Variants in NOXO1 observed in about 807,000 individuals in gnomAD.
NOXO1 encodes NADPH oxidase organizer 1.
Under a neutral mutation model 33.3 loss-of-function variants are expected in NOXO1, and 38 were observed. That is an observed-to-expected ratio of 1.14 (90% CI 0.88 to 1.50). The LOEUF (loss-of-function observed/expected upper bound fraction) is 1.50. NOXO1 is among the 40% of genes most tolerant of loss of function. NOXO1 has a pLI of 0.00. For synonymous variants in NOXO1, 302 were observed against 237.3 expected (o/e 1.27, Z -2.51); for missense variants, 675 against 527.1 (o/e 1.28, Z -2.75).
chr16:1,980,216 C>T (rs2083474191), intron 4 of NOXO1, 35 bp from the exon 5 acceptor site: 1 of 1,567,882 alleles, frequency 6.4e-7, no homozygotes, highest in Non-Finnish European at 8.6e-7. Flanking sequence ...GAGAGGTAGG[C>T]GGATGGGGAG....
chr16:1,978,977 C>T lies in NOXO1; in HGVS notation c.*75G>A, dbSNP rs1647450742. 9 of 1,389,782 alleles carry T rather than the reference C, an allele frequency of 6.5e-6. No individual in the cohort carries two copies. In the South Asian group the frequency reaches 1.1e-4, roughly 16 times the overall value. 86.1% of individuals were successfully genotyped at this position (1,389,782 alleles called of 1,614,324 possible). ...ATGGCCCCCTCCCATCCCTGCTGGC[C>T]AGGGAGATCCGCCCTCCCCGCTCCT... On this transcript the variant is annotated 3_prime_UTR_variant, in exon 8 of 8. Transcript: ENST00000356120.
In NOXO1 at chr16:1,979,367, T is replaced by G; in HGVS notation, c.819-18A>C. 1 of 1,585,000 alleles carries G rather than the reference T, an allele frequency of 6.3e-7. No homozygotes were observed. The highest frequency in any genetic ancestry group is 2.3e-5 in the East Asian group (1 of 43,374). The stretch of plus-strand genomic sequence containing the variant: ...CGCCGTACCTGCGAGGGGCGGGGTG[T>G]GGTTAGGGCCCCGCCCGCCTCGGCT... On this transcript the variant is annotated intron_variant, in intron 7 of 7. Coordinates refer to ENST00000356120, the MANE Select transcript of NOXO1 (RefSeq NM_172167.3).
At chr16:1,979,624 T>C in intron 6 of NOXO1, 82 bp from the exon 7 acceptor site, 1 of 1,364,312 alleles carries the variant, frequency 7.3e-7, no homozygotes, top group Non-Finnish European at 1.0e-6. Context: ...TTCTCCTTGC[T>C]TGAGTCTGCT....
chr16:1,980,778 C>T (rs2083492362), intron 2 of NOXO1, 47 bp from the exon 3 acceptor site: 3 of 1,544,972 alleles, frequency 1.9e-6, no homozygotes, highest in Non-Finnish European at 2.6e-6. Flanking sequence ...CCACTGTGCA[C>T]CCTTGAGAGG....
At position 1,981,173 on chromosome 16, in the gene NOXO1, C is replaced by T. The variant is rs1212442745; in HGVS notation, c.7G>A (p.Gly3Ser). The T allele has an allele frequency of 6.2e-6, 10 of 1,613,532 alleles. No homozygotes were observed. Among genetic ancestry groups the T allele is most frequent in the Non-Finnish European group, 8.5e-6 (10 of 1,180,018 alleles). MA[G>S]PRYPVSVQGA... ...TGCACTGAAACTGGGTATCGGGGGC[C>T]TGCCATGGCTGTGGCTTCCAGGCTG... The change falls in exon 1 of 8, where the codon GGC (glycine) becomes AGC (serine). Residue 3 changes from glycine (G) to serine (S), a missense_variant. Physicochemically the swap from Gly to Ser is moderately conservative, Grantham distance 56. Coordinates refer to ENST00000356120, the MANE Select transcript of NOXO1 (RefSeq NM_172167.3).
chr16:1,979,536 T>G lies in NOXO1; in HGVS notation c.707A>C (p.Gln236Pro), dbSNP rs1175946355. The change falls in exon 7 of 8, where the codon CAG (glutamine) becomes CCG (proline). Residue 236 changes from glutamine (Q) to proline (P), a missense_variant. Transcript: ENST00000356120. ...CTCGTAGGCGCGGGAAGCACAGAAC[T>G]GGGGACCTGGTGGGAGTGGGTGTTT... is the stretch of plus-strand genomic sequence containing the variant. The part of the protein sequence containing the change: ...GGPSLGSSGP[Q>P]FCASRAYESS... 2.5e-6 allele frequency: 4 copies of G among 1,609,224 alleles called. No individual in the cohort carries two copies. The African/African-American group carries it at 5.3e-5, about 22-fold the overall frequency.
In NOXO1 at chr16:1,979,270, AC is replaced by A. The variant is rs1567328661; in HGVS notation, c.897del (p.Phe300SerfsTer111). ...CCCGCCGGGTCGTCTCCTCCACGGAACCCCGTCCCGCTCAGGAGAGCGCCCA... is the reference window on the plus strand; with the variant it reads ...CCCGCCGGGTCGTCTCCTCCACGGAACCCGTCCCGCTCAGGAGAGCGCCCA... ...EGLGALLSGT[G>X]FRGGDDPAGE... On this transcript the variant is annotated frameshift_variant, in exon 8 of 8. Coordinates refer to ENST00000356120, the MANE Select transcript of NOXO1 (RefSeq NM_172167.3). LOFTEE classifies it low-confidence loss of function (END_TRUNC). The A allele has an allele frequency of 1.9e-6, 3 of 1,545,970 alleles. No homozygotes were observed. The South Asian group carries it at 3.5e-5, about 18-fold the overall frequency.
rs773491771 is a variant in NOXO1 at position 1,979,346 on chromosome 16, G to C, written c.822C>G (p.Tyr274Ter). 1 of 1,578,914 alleles carries C rather than the reference G, an allele frequency of 6.3e-7. No individual in the cohort carries two copies. The highest frequency in any genetic ancestry group is 1.1e-5 in the South Asian group (1 of 88,272). The change falls in exon 8 of 8, where the codon TAC becomes TAG. Residue 274 changes from tyrosine (Y) to a stop codon, truncating the protein, a stop_gained. Coordinates refer to ENST00000356120, the MANE Select transcript of NOXO1 (RefSeq NM_172167.3). LOFTEE classifies it low-confidence loss of function (END_TRUNC). ...TSDRGWWLCR[Y>*]GDRAGLLPAV... Reference sequence around the variant, plus strand: ...CGGGGAGTAGGCCCGCCCGGTCGCCGTACCTGCGAGGGGCGGGGTGTGGTT... The same window carrying C: ...CGGGGAGTAGGCCCGCCCGGTCGCCCTACCTGCGAGGGGCGGGGTGTGGTT...
intron 4 of NOXO1, 69 bp downstream of exon 4, chr16:1,980,298 C>T (rs1011668454): frequency 3.3e-6 from 5 of 1,532,498 alleles, no homozygotes; most frequent in Admixed American, 3.8e-5. Context: ...CTGGCTGTTC[C>T]CCCCCACCCT....
rs1390310316 is a variant in NOXO1, at chr16:1,979,923, A to T, written c.587-20T>A. ...ACCAGCCTGTGCGCAAGAAGCGGGC[A>T]GGGACTCAAATCTCGAGGCTCCCTC... is the stretch of plus-strand genomic sequence containing the variant. On this transcript the variant is annotated intron_variant, in intron 5 of 7. Coordinates refer to ENST00000356120, the MANE Select transcript of NOXO1 (RefSeq NM_172167.3). 6.3e-7 allele frequency: 1 copy of T among 1,577,324 alleles called. No homozygotes were observed. The highest frequency in any genetic ancestry group is 1.2e-5 in the South Asian group (1 of 86,924).
Position 1,981,047 on chromosome 16 carries a change from T to C in NOXO1, c.67-28A>G. ...GGGGGACAAAAAGTTGGGAGTGCCG[T>C]GGAGGTGCTGGTCCAGGCACCCCCT... On this transcript the variant is annotated intron_variant, in intron 1 of 7. Transcript: ENST00000356120. 4.3e-6 allele frequency: 7 copies of C among 1,611,686 alleles called. No individual in the cohort carries two copies. In the African/African-American group the frequency reaches 5.3e-5, roughly 12 times the overall value.
chr16:1,980,711 G>C lies in NOXO1; in HGVS notation c.168C>G (p.Phe56Leu), dbSNP rs893499880. 2 of 1,605,340 alleles carry C rather than the reference G, an allele frequency of 1.2e-6. No homozygotes were observed. The highest frequency in any genetic ancestry group is 1.7e-6 in the Non-Finnish European group (2 of 1,176,308). ...RQLKKTLKET[F>L]PVEAGLLRRS... ...TCCGCAGCAGGCCCGCCTCCACCGG[G>C]AAGGTCTCCTTGAGGGTCTTCTGAG... The change falls in exon 3 of 8, where the codon TTC (phenylalanine) becomes TTG (leucine). Residue 56 changes from phenylalanine (F) to leucine (L), a missense_variant. Coordinates refer to ENST00000356120, the MANE Select transcript of NOXO1 (RefSeq NM_172167.3).
At chr16:1,980,760 T>C (rs1353947004) in intron 2 of NOXO1, 29 bp from the exon 3 acceptor site, 1 of 1,570,442 alleles carries the variant, frequency 6.4e-7, no homozygotes, top group Non-Finnish European at 8.7e-7. Flanking sequence ...GCATTGGTCT[T>C]CCAGAGCCCA....
chr16:1,979,600 C>T, intron 6 of NOXO1, 58 bp from the exon 7 acceptor site: 3 of 1,432,150 alleles, frequency 2.1e-6, no homozygotes, highest in Non-Finnish European at 2.9e-6. Flanking sequence ...GGCCCGCCCG[C>T]ACCCTTCTCC....
At position 1,980,748 on chromosome 16, in the gene NOXO1, G is replaced by C. The variant is rs1250807806; in HGVS notation, c.148-17C>G. 2 of 1,584,898 alleles carry C rather than the reference G, an allele frequency of 1.3e-6. No individual in the cohort carries two copies. Among genetic ancestry groups the C allele is most frequent in the Non-Finnish European group, 1.7e-6 (2 of 1,164,526 alleles). On this transcript the variant is annotated splice_polypyrimidine_tract_variant and intron_variant, in intron 2 of 7. Coordinates refer to ENST00000356120, the MANE Select transcript of NOXO1 (RefSeq NM_172167.3). ...GAGGGTCTTCTGAGGGCGGGAACCAGGGCATTGGTCTTCCAGAGCCCACTG... is the reference window on the plus strand; with the variant it reads ...GAGGGTCTTCTGAGGGCGGGAACCACGGCATTGGTCTTCCAGAGCCCACTG...
At position 1,981,108 on chromosome 16, in the gene NOXO1, T is replaced by A. The variant is rs200376894; in HGVS notation, c.66+6A>T. On this transcript the variant is annotated splice_donor_region_variant and intron_variant, in intron 1 of 7. Coordinates refer to ENST00000356120, the MANE Select transcript of NOXO1 (RefSeq NM_172167.3). Reference sequence around the variant, plus strand: ...TGGGGCCACTAAGGACCCAGCCAGGTCTTACTTGGAGCCTCTTGATCTGCA... The same window carrying A: ...TGGGGCCACTAAGGACCCAGCCAGGACTTACTTGGAGCCTCTTGATCTGCA... 1 of 1,613,190 alleles carries A rather than the reference T, an allele frequency of 6.2e-7. No individual in the cohort carries two copies. Among genetic ancestry groups the A allele is most frequent in the African/African-American group, 1.3e-5 (1 of 75,018 alleles).
Position 1,979,459 on chromosome 16 carries a change from A to ACACGCG in NOXO1, c.778_783dup (p.Arg260_Val261dup), listed in dbSNP as rs1202928315. On this transcript the variant is annotated inframe_insertion, in exon 7 of 8. Coordinates refer to ENST00000356120, the MANE Select transcript of NOXO1 (RefSeq NM_172167.3). ...CACCAGCCGCGGTCTGACGTTTCCA[A>ACACGCG]CACGCGCACGCGCGCCCCCGCGGGC... 1 of 1,611,246 alleles carries ACACGCG rather than the reference A, an allele frequency of 6.2e-7. No individual in the cohort carries two copies. Among genetic ancestry groups the ACACGCG allele is most frequent in the East Asian group, 2.2e-5 (1 of 44,844 alleles).
chr16:1,980,771 C>G (rs1312619407), intron 2 of NOXO1, 40 bp from the exon 3 acceptor site: 1 of 1,554,770 alleles, frequency 6.4e-7, no homozygotes, highest in Non-Finnish European at 8.8e-7. Flanking sequence ...CCAGAGCCCA[C>G]TGTGCACCCT....
chr16:1,979,840 T>A lies in NOXO1; in HGVS notation c.650A>T (p.Glu217Val). ...TAWFPAPYLE[E>V]AAPGQGREGG... Reference sequence around the variant, plus strand: ...CTCCCGGCCTTGGCCCGGGGCCGCCTCCTCCAGGTAGGGCGCTGGAAACCA... The same window carrying A: ...CTCCCGGCCTTGGCCCGGGGCCGCCACCTCCAGGTAGGGCGCTGGAAACCA... The change falls in exon 6 of 8, where the codon GAG becomes GTG. Residue 217 changes from glutamate to valine, a missense_variant. Physicochemically the swap from Glu to Val is moderately radical, Grantham distance 121. Coordinates refer to ENST00000356120, the MANE Select transcript of NOXO1 (RefSeq NM_172167.3). 1 of 1,577,566 alleles carries A rather than the reference T, an allele frequency of 6.3e-7. No individual in the cohort carries two copies. Among genetic ancestry groups the A allele is most frequent in the Non-Finnish European group, 8.6e-7 (1 of 1,163,024 alleles).
Sources: gnomAD v4.1 joint callset for allele counts on GRCh38, gnomAD v4.1.1 for gene constraint, MANE v1.5 for transcripts, NCBI Gene and HGNC (gene_info 2026-07-23, HGNC 2026-07-21) for gene names.